The following PUM2 variants were observed in gnomAD, a reference collection of about 807,000 sequenced individuals.
PUM2 encodes pumilio homolog 2.
PUM2 carries 57 observed loss-of-function variants against 124.5 expected under a neutral mutation model. The ratio of observed to expected loss-of-function variants is 0.46; its 90% CI spans 0.37 to 0.57. PUM2 has a LOEUF of 0.57. PUM2 is among the 20% of genes least tolerant of loss of function. PUM2 has a pLI of 0.00. For synonymous variants in PUM2, 460 were observed against 446.1 expected, an observed-to-expected ratio of 1.03 and a Z score of -0.39; for missense variants, 1,065 against 1,290.6, an observed-to-expected ratio of 0.83 and a Z score of 2.68.
At chr2:20,305,463 G>GAGA (rs1553387231) in intron 7 of PUM2, among the ~76,000 whole-genome samples, 1 of 46,138 alleles carries the variant, frequency 2.2e-5, no homozygotes, top group African/African-American at 9.6e-5. Flanking sequence ...CCCTGTCTTC[G>GAGA]AAAAAAAAAA....
chr2:20,347,613 C>T (rs1175883582), intron 1 of PUM2, among the ~76,000 whole-genome samples: 1 of 152,170 alleles, frequency 6.6e-6, no homozygotes, highest in Non-Finnish European at 1.5e-5. Flanking sequence ...AATATTAGCT[C>T]CTAAATGATA....
intron 13 of PUM2, among the ~76,000 whole-genome samples, chr2:20,276,203 G>A (rs1405309092): frequency 6.6e-6 from 1 of 151,140 alleles, no homozygotes; most frequent in Non-Finnish European, 1.5e-5. Context: ...GTGATTACTA[G>A]TCATCCTGCT....
rs188791237 is a variant in PUM2, at chr2:20,330,885, T to C, written c.-18-3507A>G. Among the ~76,000 whole-genome samples, 50 of 152,174 alleles carry C rather than the reference T, an allele frequency of 3.3e-4. 1 individual carries two copies. Among genetic ancestry groups the C allele is most frequent in the African/African-American group, 9.6e-4 (40 of 41,514 alleles). On this transcript the variant is annotated intron_variant, in intron 1 of 20. Coordinates refer to ENST00000361078, the MANE Select transcript of PUM2 (RefSeq NM_015317.5). ...AGAGCTGATGCTCTCTCCAGGGAGA[T>C]AGGGTCAGAAATGAGTTAGACGACG...
At chr2:20,347,396 C>A (rs779321050) in intron 1 of PUM2, among the ~76,000 whole-genome samples, 14 of 152,118 alleles carry the variant, frequency 9.2e-5, no homozygotes, top group Non-Finnish European at 1.9e-4. Flanking sequence ...AAAAAAAACA[C>A]TAACATGTCT....
intron 10 of PUM2, among the ~76,000 whole-genome samples, chr2:20,288,465 A>G (rs1673229824): frequency 6.6e-6 from 1 of 152,266 alleles, no homozygotes; most frequent in South Asian, 2.1e-4. Flanking sequence ...TAGAGTATAA[A>G]TTTTGACAAA....
chr2:20,331,140 A>C lies in PUM2; in HGVS notation c.-18-3762T>G, dbSNP rs143646159. ...GACAACTTGGGGAGAGGAAAAAAAA[A>C]AAACCACACGCGTTGTTTGGGAATA... On this transcript the variant is annotated intron_variant, in intron 1 of 20. Coordinates refer to ENST00000361078, the MANE Select transcript of PUM2 (RefSeq NM_015317.5). Among the ~76,000 whole-genome samples the C allele has an allele frequency of 6.3e-3, 958 of 151,966 alleles. 10 individuals carry two copies. The highest frequency in any genetic ancestry group is 0.022 in the African/African-American group (920 of 41,456).
intron 1 of PUM2, among the ~76,000 whole-genome samples, chr2:20,338,020 A>G (rs73218112): frequency 0.035 from 5,311 of 152,292 alleles, 92 homozygotes; most frequent in Middle Eastern, 0.068. Context: ...ATGGTAGAGA[A>G]CATAATACTA....
At chr2:20,301,147 C>T (rs946244241) in intron 7 of PUM2, among the ~76,000 whole-genome samples, 5 of 152,102 alleles carry the variant, frequency 3.3e-5, no homozygotes, top group African/African-American at 9.7e-5. Flanking sequence ...TAAATTGTGC[C>T]CCAACCACCT....
In PUM2 at chr2:20,263,234, A is replaced by G; in HGVS notation, c.2184T>C (p.Ile728=). The change falls in exon 14 of 21, where the codon ATT becomes ATC. Residue 728 remains isoleucine (I), a synonymous_variant. Coordinates refer to ENST00000361078, the MANE Select transcript of PUM2 (RefSeq NM_015317.5). The part of the protein sequence containing the change: ...RFPNLQLRDL[I]GHIVEFSQDQ... ...CTTGAGAAAACTCAACTATATGTCC[A>G]ATCAAGTCTCTAAGCTGAAGGTTTG... 6.2e-7 allele frequency: 1 copy of G among 1,605,062 alleles called. No homozygotes were observed. The highest frequency in any genetic ancestry group is 8.5e-7 in the Non-Finnish European group (1 of 1,171,794).
intron 3 of PUM2, among the ~76,000 whole-genome samples, chr2:20,316,880 A>T (rs1681070958): frequency 6.6e-6 from 1 of 152,048 alleles, no homozygotes; most frequent in African/African-American, 2.4e-5. Flanking sequence ...AAAATATGAA[A>T]ATTAGCAGGC....
chr2:20,311,603 G>C lies in PUM2; in HGVS notation c.409C>G (p.Pro137Ala). Reference sequence around the variant, plus strand: ...TCTCTGTTTTGGTCCTCCTCAAATGGAGAAGCCTTGCCTTTTTGATCTCCT... The same window carrying C: ...TCTCTGTTTTGGTCCTCCTCAAATGCAGAAGCCTTGCCTTTTTGATCTCCT... Reference protein sequence around the residue: ...EKGDQKGKASPFEEDQNRDLK... With the variant: ...EKGDQKGKASAFEEDQNRDLK... The change falls in exon 5 of 21, where the codon CCA becomes GCA. Residue 137 changes from proline (P) to alanine (A), a missense_variant. By Grantham distance (27) the Pro-to-Ala change is conservative. This residue lies in a region of PUM2 where 968 missense variants were observed against 1,159.8 expected (regional missense o/e 0.83). Coordinates refer to ENST00000361078, the MANE Select transcript of PUM2 (RefSeq NM_015317.5). The C allele has an allele frequency of 6.2e-7, 1 of 1,613,382 alleles. No homozygotes were observed. Among genetic ancestry groups the C allele is most frequent in the South Asian group, 1.1e-5 (1 of 91,018 alleles).
chr2:20,265,891 G>A (rs1037682085), intron 13 of PUM2, among the ~76,000 whole-genome samples: 1 of 151,742 alleles, frequency 6.6e-6, no homozygotes, highest in Non-Finnish European at 1.5e-5. Context: ...AAAGATTTTC[G>A]ACACCAAATT....
At chr2:20,282,926 T>C in intron 12 of PUM2, 21 bp downstream of exon 12, 1 of 1,608,704 alleles carries the variant, frequency 6.2e-7, no homozygotes. Context: ...CAGAGTACAC[T>C]CATCGTAAAA....
chr2:20,336,790 G>A lies in PUM2; in HGVS notation c.-18-9412C>T, dbSNP rs1033463956. 4.2e-5 allele frequency among the ~76,000 whole-genome samples: 5 copies of A among 118,146 alleles called. No homozygotes were observed. In the East Asian group the frequency reaches 7.1e-4, roughly 17 times the overall value. The allele number at this position is 118,146 out of a possible 152,430, so 77.5% of individuals were successfully genotyped here. On this transcript the variant is annotated intron_variant, in intron 1 of 20. Coordinates refer to ENST00000361078, the MANE Select transcript of PUM2 (RefSeq NM_015317.5). ...TGTGTGTGTGTGTGTGTGTGTGTGT[G>A]TGTGTGTGTGTGGTACAGACGGGGT...
intron 10 of PUM2, among the ~76,000 whole-genome samples, chr2:20,287,214 C>T (rs1672952850): frequency 1.3e-5 from 2 of 152,144 alleles, no homozygotes; most frequent in South Asian, 4.1e-4. Context: ...TCTACGACCA[C>T]ATTAAAATAA....
intron 16 of PUM2, 96 bp downstream of exon 16, chr2:20,258,143 TTAAG>T: frequency 8.9e-7 from 1 of 1,124,326 alleles, no homozygotes; most frequent in Non-Finnish European, 1.2e-6. Flanking sequence ...GTGGAAATAT[TTAAG>T]TCTTTTCACT....
chr2:20,333,538 A>C (rs1031753996), intron 1 of PUM2, among the ~76,000 whole-genome samples: 5 of 152,092 alleles, frequency 3.3e-5, no homozygotes, highest in African/African-American at 1.2e-4. Flanking sequence ...ACAACAACAA[A>C]AACAAAAGCC....
chr2:20,305,965 A>G (rs1678167239), intron 7 of PUM2, among the ~76,000 whole-genome samples: 1 of 152,326 alleles, frequency 6.6e-6, no homozygotes, highest in Admixed American at 6.5e-5. Flanking sequence ...TCACGCCTGT[A>G]ATCCCAGCAC....
intron 1 of PUM2, among the ~76,000 whole-genome samples, chr2:20,336,052 C>G (rs551304948): frequency 6.6e-6 from 1 of 152,214 alleles, no homozygotes; most frequent in Non-Finnish European, 1.5e-5. Context: ...GATCTACACA[C>G]TAAACAGCCT....
Sources: allele counts gnomAD v4.1 joint callset (sites outside exome capture counted in the v4.1 genomes callset), GRCh38; gene constraint gnomAD v4.1.1; regional missense constraint gnomAD v4.1.1; transcripts MANE v1.5; gene names NCBI Gene and HGNC (gene_info 2026-07-23, HGNC 2026-07-21).